ROS1: variants seen among roughly 807,000 people sequenced by gnomAD.
The protein encoded by ROS1 is ROS proto-oncogene 1, receptor tyrosine kinase, also known as proto-oncogene tyrosine-protein kinase ROS.
ROS1 carries 263 observed loss-of-function variants against 273.5 expected under a neutral mutation model. That is an observed-to-expected ratio of 0.96 (90% confidence interval 0.87 to 1.06). The LOEUF (loss-of-function observed/expected upper bound fraction) is 1.06. Among genes scored for constraint, ROS1 ranks in the 50% least tolerant of loss-of-function variants. The pLI, the probability that ROS1 is intolerant of heterozygous loss-of-function variation, is 0.00. For synonymous variants in ROS1, 1,008 were observed against 954.1 expected (o/e 1.06, Z -1.04); for missense variants, 2,833 against 2,751.1 (o/e 1.03, Z -0.67).
chr6:117,360,678 G>A (rs1306814823), intron 22 of ROS1, among the ~76,000 whole-genome samples: 1 of 151,940 alleles, frequency 6.6e-6, no homozygotes, highest in East Asian at 1.9e-4. Context: ...AAAATGTCTG[G>A]GGATTTAATG....
At chr6:117,371,488 A>G (rs1254298545) in intron 18 of ROS1, among the ~76,000 whole-genome samples, 1 of 152,210 alleles carries the variant, frequency 6.6e-6, no homozygotes, top group Non-Finnish European at 1.5e-5. Flanking sequence ...GAGGGCTGCC[A>G]GTGTAACTGG....
Position 117,344,189 on chromosome 6 carries a change from T to G in ROS1, c.4377A>C (p.Thr1459=). 1.9e-6 allele frequency: 3 copies of G among 1,614,014 alleles called. No homozygotes were observed. The highest frequency in any genetic ancestry group is 2.2e-5 in the East Asian group (1 of 44,854). The change falls in exon 28 of 44, where the codon ACA becomes ACC. Residue 1459 remains threonine, a synonymous_variant. Transcript: ENST00000368507. ...TILNATNTSL[T]IRLPLAKTNL... ...TTGTCTTGGCCAGAGGTAATCTGAT[T>G]GTGAGGCTAGTGTTAGTGGCATTAA...
chr6:117,365,147 A>G lies in ROS1; in HGVS notation c.3016T>C (p.Tyr1006His), dbSNP rs781590553. 1 of 1,613,234 alleles carries G rather than the reference A, an allele frequency of 6.2e-7. No homozygotes were observed. The highest frequency in any genetic ancestry group is 1.1e-5 in the South Asian group (1 of 91,060). The change falls in exon 21 of 44, where the codon TAT (tyrosine) becomes CAT (histidine). Residue 1006 changes from tyrosine (Y) to histidine (H), a missense_variant. Coordinates refer to ENST00000368507, the MANE Select transcript of ROS1 (RefSeq NM_001378902.1). ...GTGACAGAAAGATTAAATAAGGCAT[A>G]AGGTTCCAGTCCTTCCACAGTAAAT... ...PVFTVEGLEP[Y>H]ALFNLSVTPY... is the part of the protein sequence containing the mutation.
chr6:117,386,936 C>T lies in ROS1; in HGVS notation c.2063G>A (p.Ser688Asn). 1.9e-6 allele frequency: 3 copies of T among 1,612,978 alleles called. No homozygotes were observed. The change falls in exon 15 of 44, where the codon AGC becomes AAC. Residue 688 changes from serine to asparagine, a missense_variant. Ser to Asn is a conservative substitution (Grantham distance 46, BLOSUM62 1). Coordinates refer to ENST00000368507, the MANE Select transcript of ROS1 (RefSeq NM_001378902.1). ...GGATAAGAACTCTCCTGGGCCAAAG[C>T]TATTTAATGGTTTACTCCAAAGCCC... Reference protein sequence around the residue: ...EDGLWSKPLNSFGPGEFLSSD... With the variant: ...EDGLWSKPLNNFGPGEFLSSD...
Position 117,389,842 on chromosome 6 carries a change from C to T in ROS1, c.1294G>A (p.Val432Ile), listed in dbSNP as rs1255187618. 1 of 1,601,324 alleles carries T rather than the reference C, an allele frequency of 6.2e-7. No homozygotes were observed. Among genetic ancestry groups the T allele is most frequent in the African/African-American group, 1.3e-5 (1 of 74,610 alleles). Residue 432 changes from valine to isoleucine, a missense_variant, in exon 13 of 44, where the codon GTC becomes ATC. Physicochemically the swap from Val to Ile is conservative, Grantham distance 29. Coordinates refer to ENST00000368507, the MANE Select transcript of ROS1 (RefSeq NM_001378902.1). ...ATGCCATCTCTCAGGAGGTAAAAGACATACCTGACACAGGAACAAAAGAAA... is the reference window on the plus strand; with the variant it reads ...ATGCCATCTCTCAGGAGGTAAAAGATATACCTGACACAGGAACAAAAGAAA... Reference protein sequence around the residue: ...KIVADSYNGYVFYLLRDGIYR... With the variant: ...KIVADSYNGYIFYLLRDGIYR...
intron 13 of ROS1, 107 bp from the exon 14 acceptor site, chr6:117,388,099 A>G: frequency 6.5e-7 from 1 of 1,537,680 alleles, no homozygotes; most frequent in Non-Finnish European, 8.8e-7. Flanking sequence ...TGGGAGAGCA[A>G]TTGGGCAGTA....
intron 32 of ROS1, among the ~76,000 whole-genome samples, chr6:117,332,847 T>C (rs914486214): frequency 1.1e-4 from 17 of 152,058 alleles, no homozygotes; most frequent in African/African-American, 4.1e-4. Context: ...TAAAGCAGTG[T>C]TAAGAGGAAA....
At chr6:117,330,235 C>T (rs1431880216) in intron 32 of ROS1, among the ~76,000 whole-genome samples, 1 of 152,074 alleles carries the variant, frequency 6.6e-6, no homozygotes, top group Admixed American at 6.5e-5. Flanking sequence ...CAGGTCTAAC[C>T]CTCACCCATC....
intron 5 of ROS1, among the ~76,000 whole-genome samples, chr6:117,409,242 G>GGA (rs201663227): frequency 8.0e-5 from 12 of 150,828 alleles, no homozygotes; most frequent in Admixed American, 6.6e-5. Context: ...AAAAAAGAGA[G>GGA]AAAAAAAACT....
chr6:117,325,989 G>C (rs1776596938), intron 34 of ROS1, among the ~76,000 whole-genome samples: 1 of 150,974 alleles, frequency 6.6e-6, no homozygotes, highest in Non-Finnish European at 1.5e-5. Context: ...GAATTAAGGG[G>C]GTGGCTGATT....
intron 18 of ROS1, among the ~76,000 whole-genome samples, chr6:117,378,135 A>T (rs1439873519): frequency 2.0e-5 from 3 of 152,188 alleles, no homozygotes; most frequent in Admixed American, 2.0e-4. Flanking sequence ...GAATATAAAC[A>T]TCTATCTACC....
In ROS1 at chr6:117,412,605, C is replaced by CAGATAGATAGATAGAT. The variant is rs3836982; in HGVS notation, c.255+1898_255+1913dup. On this transcript the variant is annotated intron_variant, in intron 4 of 43. Transcript: ENST00000368507. ...ATAGATAGGTACATAGATAGATAGA[C>CAGATAGATAGATAGAT]AGATAGATAGATAGATAGATAGATA... Among the ~76,000 whole-genome samples the CAGATAGATAGATAGAT allele has an allele frequency of 4.0e-3, 598 of 151,258 alleles. 6 individuals carry two copies. The highest frequency in any genetic ancestry group is 0.013 in the African/African-American group (541 of 41,058).
chr6:117,386,384 G>A (rs1772580775), intron 15 of ROS1, among the ~76,000 whole-genome samples: 1 of 152,180 alleles, frequency 6.6e-6, no homozygotes, highest in Non-Finnish European at 1.5e-5. Context: ...TCATCTTCAG[G>A]CAAGATCACT....
intron 4 of ROS1, among the ~76,000 whole-genome samples, chr6:117,411,371 G>T (rs1383270803): frequency 2.6e-5 from 4 of 151,044 alleles, no homozygotes. Context: ...TGTTTCTCAA[G>T]CTTGAGTTGC....
chr6:117,414,626 C>A, intron 3 of ROS1, 81 bp from the exon 4 acceptor site: 2 of 631,014 alleles, frequency 3.2e-6, no homozygotes, highest in South Asian at 3.9e-5. Context: ...ACAATCATTT[C>A]AAATTAATTT....
intron 34 of ROS1, among the ~76,000 whole-genome samples, chr6:117,326,008 G>A (rs991645894): frequency 1.7e-4 from 26 of 149,300 alleles, no homozygotes; most frequent in African/African-American, 5.9e-4. Context: ...TTATTATTGG[G>A]GAGAAAAATG....
At position 117,337,169 on chromosome 6, in the gene ROS1, C is replaced by T. The variant is rs1420349295; in HGVS notation, c.5230+3G>A. On this transcript the variant is annotated splice_donor_region_variant and intron_variant, in intron 32 of 43. Coordinates refer to ENST00000368507, the MANE Select transcript of ROS1 (RefSeq NM_001378902.1). ...TCTGAGTATTGAGTATGTTAGTACT[C>T]ACCTTTTGTCTTAAAGCTTTCTGGA... 1.9e-6 allele frequency: 3 copies of T among 1,610,290 alleles called. No homozygotes were observed. The highest frequency in any genetic ancestry group is 1.7e-5 in the Admixed American group (1 of 59,636).
intron 41 of ROS1, among the ~76,000 whole-genome samples, chr6:117,309,185 C>T (rs558426587): frequency 6.6e-6 from 1 of 152,308 alleles, no homozygotes; most frequent in Non-Finnish European, 1.5e-5. Flanking sequence ...GAGACAGACT[C>T]ATATGCATGC....
At chr6:117,385,595 T>C (rs1020575327) in intron 16 of ROS1, 88 bp downstream of exon 16, 17 of 1,136,528 alleles carry the variant, frequency 1.5e-5, no homozygotes, top group Admixed American at 2.2e-5. Context: ...TGCACAGGTA[T>C]TTAAAAAAAA....
Sources: gnomAD v4.1 joint callset for allele counts (sites outside exome capture counted in the v4.1 genomes callset) on GRCh38, gnomAD v4.1.1 for gene constraint, MANE v1.5 for transcripts, NCBI Gene and HGNC (gene_info 2026-07-23, HGNC 2026-07-21) for gene names.